Variants in STXBP5 observed in about 807,000 individuals in gnomAD.
The protein encoded by STXBP5 is syntaxin binding protein 5.
In STXBP5, 50 loss-of-function variants were observed where a neutral mutation model predicts 152.4. The observed-to-expected ratio is 0.33, with a 90% CI of 0.26 to 0.42. The LOEUF (loss-of-function observed/expected upper bound fraction) is 0.42, where lower values mean the gene tolerates loss of function less well. Among genes scored for constraint, STXBP5 ranks in the 10% least tolerant of loss-of-function variants. The probability of loss-of-function intolerance (pLI) is 1.00; values close to 1 mark genes in which losing one functional copy is unlikely to be tolerated. For missense variants in STXBP5, 1,167 were observed against 1,388.6 expected, an observed-to-expected ratio of 0.84 and a Z score of 2.54; for synonymous variants, 492 against 494.7, an observed-to-expected ratio of 0.99 and a Z score of 0.07.
chr6:147,207,809 C>G (rs1776650506), intron 2 of STXBP5, among the ~76,000 whole-genome samples: 1 of 152,030 alleles, frequency 6.6e-6, no homozygotes, highest in South Asian at 2.1e-4. Context: ...CCAGTGTGGT[C>G]TCGACATTCT....
At chr6:147,343,462 G>A (rs1784181678) in intron 21 of STXBP5, among the ~76,000 whole-genome samples, 1 of 152,062 alleles carries the variant, frequency 6.6e-6, no homozygotes, top group East Asian at 1.9e-4. Context: ...TTTTAAAGCA[G>A]TTCTAACACC....
chr6:147,380,081 A>G (rs9390461), intron 26 of STXBP5, among the ~76,000 whole-genome samples: 83,280 of 151,244 alleles, frequency 0.55, 23,033 homozygotes, highest in African/African-American at 0.59. Flanking sequence ...ATTTAACACA[A>G]TTCATATCAA....
chr6:147,284,140 G>T (rs1780838667), intron 8 of STXBP5, among the ~76,000 whole-genome samples: 2 of 152,092 alleles, frequency 1.3e-5, no homozygotes, highest in Admixed American at 1.3e-4. Context: ...GAAATCTAGT[G>T]TGTATTTAGC....
At chr6:147,248,280 CAA>C (rs753458821) in intron 4 of STXBP5, among the ~76,000 whole-genome samples, 6 of 52,550 alleles carry the variant, frequency 1.1e-4, no homozygotes, top group Admixed American at 4.2e-4. Context: ...GACTCCATCT[CAA>C]AAAAAAAAAA....
At chr6:147,261,621 T>G (rs1779643285) in intron 5 of STXBP5, among the ~76,000 whole-genome samples, 1 of 151,994 alleles carries the variant, frequency 6.6e-6, no homozygotes, top group Non-Finnish European at 1.5e-5. Context: ...GCAAGAATAT[T>G]ATCATATATC....
chr6:147,293,793 A>T (rs575165951), intron 9 of STXBP5, among the ~76,000 whole-genome samples: 1 of 152,294 alleles, frequency 6.6e-6, no homozygotes, highest in African/African-American at 2.4e-5. Context: ...TCTACAACCC[A>T]TACATATCGT....
intron 21 of STXBP5, among the ~76,000 whole-genome samples, chr6:147,346,835 G>T (rs1582977135): frequency 6.6e-6 from 1 of 152,128 alleles, no homozygotes; most frequent in Admixed American, 6.5e-5. Context: ...TTGGTCAAAA[G>T]ATACAAACTT....
intron 4 of STXBP5, among the ~76,000 whole-genome samples, chr6:147,241,238 C>T (rs1248239861): frequency 6.6e-6 from 1 of 152,158 alleles, no homozygotes; most frequent in Non-Finnish European, 1.5e-5. Context: ...CTGATATTAA[C>T]ATGCATTAGT....
rs1430030101 is a variant in STXBP5 at position 147,342,462 on chromosome 6, CAA to C, written c.2254+3082_2254+3083del. Among the ~76,000 whole-genome samples, 26 of 152,264 alleles carry C rather than the reference CAA, an allele frequency of 1.7e-4. No homozygotes were observed. In the East Asian group the frequency reaches 5.0e-3, roughly 29 times the overall value. The stretch of plus-strand genomic sequence containing the variant: ...AGTTTTAGTCTTGTGAGTTTGACAG[CAA>C]AAACATAACAGAATATAATGTAATT... On this transcript the variant is annotated intron_variant, in intron 21 of 27. Coordinates refer to ENST00000321680, the MANE Select transcript of STXBP5 (RefSeq NM_001127715.4).
chr6:147,358,321 C>T, intron 22 of STXBP5, among the ~76,000 whole-genome samples: 1 of 151,942 alleles, frequency 6.6e-6, no homozygotes, highest in East Asian at 1.9e-4. Flanking sequence ...TCACACTCTA[C>T]CAGTCATGGA....
intron 8 of STXBP5, among the ~76,000 whole-genome samples, chr6:147,282,930 C>G (rs760955793): frequency 1.9e-4 from 29 of 152,026 alleles, no homozygotes; most frequent in Admixed American, 5.9e-4. Flanking sequence ...GGAGAATTAT[C>G]TAGGACCACG....
At chr6:147,243,125 T>C (rs1312652099) in intron 4 of STXBP5, among the ~76,000 whole-genome samples, 1 of 152,206 alleles carries the variant, frequency 6.6e-6, no homozygotes, top group African/African-American at 2.4e-5. Context: ...TATTGCTGGA[T>C]CATATGCTAG....
intron 2 of STXBP5, among the ~76,000 whole-genome samples, chr6:147,226,298 C>T (rs796420383): frequency 1.1e-5 from 1 of 90,532 alleles, no homozygotes. Flanking sequence ...GATACCCTTA[C>T]AAAAAAAAAA....
At position 147,310,201 on chromosome 6, in the gene STXBP5, T is replaced by A; in HGVS notation, c.1035T>A (p.Val345=). Residue 345 remains valine (V), a synonymous_variant, in exon 10 of 28, where the codon GTT becomes GTA. Transcript: ENST00000321680. ...TGCTAGAAATGGACTATTCAATTGT[T>A]GATTTTCTAACGCTGTGTGAAACAC... The part of the protein sequence containing the change: ...TAVLEMDYSI[V]DFLTLCETPY... The A allele has an allele frequency of 6.3e-7, 1 of 1,597,962 alleles. No individual in the cohort carries two copies. The highest frequency in any genetic ancestry group is 8.5e-7 in the Non-Finnish European group (1 of 1,175,336).
intron 9 of STXBP5, among the ~76,000 whole-genome samples, chr6:147,302,881 A>T (rs531192461): frequency 6.6e-6 from 1 of 152,206 alleles, no homozygotes; most frequent in African/African-American, 2.4e-5. Flanking sequence ...TTTTATAATC[A>T]GGTTTTTTAC....
At chr6:147,294,095 G>A (rs974039391) in intron 9 of STXBP5, among the ~76,000 whole-genome samples, 3 of 152,166 alleles carry the variant, frequency 2.0e-5, no homozygotes, top group African/African-American at 7.2e-5. Context: ...TATTTTAGTG[G>A]CAGTTTTATT....
At chr6:147,333,116 AAT>A (rs1783660679) in intron 18 of STXBP5, among the ~76,000 whole-genome samples, 1 of 152,218 alleles carries the variant, frequency 6.6e-6, no homozygotes, top group Non-Finnish European at 1.5e-5. Flanking sequence ...TATATAAACA[AAT>A]ATTTTATCAA....
Position 147,389,434 on chromosome 6 carries a change from G to A in STXBP5, c.*4679G>A, listed in dbSNP as rs557294991. 1.4e-4 allele frequency: 21 copies of A among 151,746 alleles called. No individual in the cohort carries two copies. Among genetic ancestry groups the A allele is most frequent in the African/African-American group, 4.6e-4 (19 of 41,474 alleles). The allele number at this position is 151,746 out of a possible 1,614,324, so 9.4% of individuals were successfully genotyped here. On this transcript the variant is annotated 3_prime_UTR_variant, in exon 28 of 28. Coordinates refer to ENST00000321680, the MANE Select transcript of STXBP5 (RefSeq NM_001127715.4). ...AGTCAAATTAATTTTAACAATATAGGCACAATTCATTTACAAATTCAGTAC... is the reference window on the plus strand; with the variant it reads ...AGTCAAATTAATTTTAACAATATAGACACAATTCATTTACAAATTCAGTAC...
rs114368568 is a variant in STXBP5, at chr6:147,279,659, C to T, written c.838+1455C>T. Among the ~76,000 whole-genome samples, 412 of 152,304 alleles carry T rather than the reference C, an allele frequency of 2.7e-3. 1 individual carries two copies. Among genetic ancestry groups the T allele is most frequent in the African/African-American group, 9.2e-3 (384 of 41,578 alleles). ...AAGCACTTACATGAAATTCCCTACA[C>T]ATCTATTTATGAGTGCATCTAGAGG... On this transcript the variant is annotated intron_variant, in intron 8 of 27. Coordinates refer to ENST00000321680, the MANE Select transcript of STXBP5 (RefSeq NM_001127715.4).
Sources: gnomAD v4.1 joint callset for allele counts (sites outside exome capture counted in the v4.1 genomes callset) on GRCh38, gnomAD v4.1.1 for gene constraint, MANE v1.5 for transcripts, NCBI Gene and HGNC (gene_info 2026-07-23, HGNC 2026-07-21) for gene names.